The following PRMT2 variants were observed in gnomAD, a reference collection of about 807,000 sequenced individuals.
PRMT2 encodes protein arginine methyltransferase 2.
A neutral mutation model predicts 57.6 loss-of-function variants in PRMT2; 26 were observed. The ratio of observed to expected loss-of-function variants is 0.45; its 90% CI spans 0.33 to 0.63. The LOEUF (loss-of-function observed/expected upper bound fraction) is 0.63. PRMT2 is among the 20% of genes least tolerant of loss of function. The pLI is 0.02. For missense variants in PRMT2, 472 were observed against 564.4 expected (o/e 0.84, Z 1.66); for synonymous variants, 219 against 220.0 (o/e 1.00, Z 0.04).
rs1237917924 is a variant in PRMT2 at position 46,635,685 on chromosome 21, C to T, written c.-244C>T. On this transcript the variant is annotated 5_prime_UTR_variant, in exon 1 of 12. Transcript: ENST00000355680. The stretch of plus-strand genomic sequence containing the variant: ...CGCTTGCGCGGGTTGAGGGCGGTGG[C>T]TCAGGCTCCTGGAAAGGACCGTCCA... 3 of 152,498 alleles carry T rather than the reference C, an allele frequency of 2.0e-5. No homozygotes were observed. Among genetic ancestry groups the T allele is most frequent in the East Asian group, 1.9e-4 (1 of 5,194 alleles). The allele number at this position is 152,498 out of a possible 1,614,324, so 9.4% of individuals were successfully genotyped here.
chr21:46,662,441 C>T (rs1439161464), intron 10 of PRMT2, among the ~76,000 whole-genome samples: 1 of 152,176 alleles, frequency 6.6e-6, no homozygotes, highest in African/African-American at 2.4e-5. Flanking sequence ...GACTTCCCAG[C>T]GTGGTGGCCC....
chr21:46,659,435 A>G, intron 8 of PRMT2: 1 of 985,616 alleles, frequency 1.0e-6, no homozygotes, highest in Non-Finnish European at 1.2e-6. Flanking sequence ...AATTAGAGAA[A>G]TCACGTGCTG....
rs763307267 is a variant in PRMT2, at chr21:46,649,763, TG to T, written c.654+29del. On this transcript the variant is annotated intron_variant, in intron 7 of 11. Transcript: ENST00000355680. This position sits in a 1 kb window ranked among gnomAD's most constrained non-coding sequence, Gnocchi z 4.8. ...TGGTGAGGGCGGGCGTGCGGGCAGC[TG>T]GGGGCCGGAGCTGGGGGGCTTCTGA... 8.1e-6 allele frequency: 13 copies of T among 1,605,080 alleles called. No homozygotes were observed. Among genetic ancestry groups the T allele is most frequent in the Non-Finnish European group, 9.4e-6 (11 of 1,175,902 alleles).
rs756452289 is a variant in PRMT2 at position 46,660,767 on chromosome 21, G to A, written c.831-66G>A. The A allele has an allele frequency of 2.4e-5, 38 of 1,581,606 alleles. No individual in the cohort carries two copies. In the East Asian group the frequency reaches 7.9e-4, roughly 33 times the overall value. On this transcript the variant is annotated intron_variant, in intron 8 of 11. Coordinates refer to ENST00000355680, the MANE Select transcript of PRMT2 (RefSeq NM_206962.4). ...GGGAGAGCACTCACCGCGGTCCCAC[G>A]TGTGTGTTTTGAAGCCTAAGATGTT...
chr21:46,653,520 C>A, intron 7 of PRMT2: 8 of 954,456 alleles, frequency 8.4e-6, no homozygotes, highest in Non-Finnish European at 8.5e-6. Flanking sequence ...CACTGAAGGA[C>A]GATCTACACA....
chr21:46,653,340 C>G, intron 7 of PRMT2: 1 of 985,392 alleles, frequency 1.0e-6, no homozygotes. Flanking sequence ...TAATTTCATA[C>G]CAATAACACT....
intron 9 of PRMT2, chr21:46,661,577 G>GT: frequency 2.7e-6 from 1 of 375,694 alleles, no homozygotes; most frequent in East Asian, 4.0e-5. Context: ...AGAATCTGGG[G>GT]TAGAAAATTG....
chr21:46,648,372 G>C lies in PRMT2; in HGVS notation c.328-86G>C. ...GGGGTGTTGGGGTCAGGGGTCATCA[G>C]CTGTGGCTCTGACCCTCCATCTCAG... is the stretch of plus-strand genomic sequence containing the variant. On this transcript the variant is annotated intron_variant, in intron 5 of 11. Transcript: ENST00000355680. This position sits in a 1 kb window ranked among gnomAD's most constrained non-coding sequence, Gnocchi z 4.8. 2 of 1,450,790 alleles carry C rather than the reference G, an allele frequency of 1.4e-6. No homozygotes were observed. Among genetic ancestry groups the C allele is most frequent in the Non-Finnish European group, 9.5e-7 (1 of 1,052,304 alleles). The allele number at this position is 1,450,790 out of a possible 1,614,324, so 89.9% of individuals were successfully genotyped here.
At chr21:46,653,429 A>G (rs2061491319) in intron 7 of PRMT2, 1 of 993,334 alleles carries the variant, frequency 1.0e-6, no homozygotes, top group East Asian at 1.1e-4. Context: ...GCTCCCCCTC[A>G]GCAAGACTCT....
Position 46,648,754 on chromosome 21 carries a change from C to A in PRMT2, c.489+135C>A. On this transcript the variant is annotated intron_variant, in intron 6 of 11. Transcript: ENST00000355680. This position sits in a 1 kb window ranked among gnomAD's most constrained non-coding sequence, Gnocchi z 4.8. ...TGACTCCATGGTCTTGTTGAGCACC[C>A]TGCACGTGGGGCTCAGGGTCGGTAA... 8.7e-7 allele frequency: 1 copy of A among 1,144,664 alleles called. No homozygotes were observed. Among genetic ancestry groups the A allele is most frequent in the Non-Finnish European group, 1.2e-6 (1 of 806,672 alleles). The allele number at this position is 1,144,664 out of a possible 1,614,324, so 70.9% of individuals were successfully genotyped here. A position where few individuals can be genotyped will look rare whatever the true frequency, so the allele number is the denominator to read the frequency against.
chr21:46,654,991 C>G lies in PRMT2; in HGVS notation c.655-3754C>G, dbSNP rs146718203. ...TGAAATGGACCAATTCTTTTGAAAA[C>G]TGCAAATTACCACAGTTCATCTAAC... On this transcript the variant is annotated intron_variant, in intron 7 of 11. Coordinates refer to ENST00000355680, the MANE Select transcript of PRMT2 (RefSeq NM_206962.4). The G allele has an allele frequency of 1.0e-3, 853 of 828,830 alleles. 8 individuals are homozygous for G. In the African/African-American group the frequency reaches 0.014, roughly 13 times the overall value. The allele number at this position is 828,830 out of a possible 1,614,324, so 51.3% of individuals were successfully genotyped here.
intron 11 of PRMT2, 79 bp from the exon 12 acceptor site, chr21:46,664,216 T>C (rs1193871535): frequency 1.6e-6 from 2 of 1,282,038 alleles, no homozygotes; most frequent in African/African-American, 2.9e-5. Context: ...TCTTGTCCAA[T>C]ATTAAACCAT....
chr21:46,640,632 G>A (rs560769943), intron 3 of PRMT2, among the ~76,000 whole-genome samples: 69 of 151,546 alleles, frequency 4.6e-4, no homozygotes, highest in African/African-American at 1.3e-3. Flanking sequence ...TAGTAGAGAC[G>A]GGGTTTCACC....
intron 8 of PRMT2, chr21:46,660,121 T>G (rs1433095856): frequency 3.1e-6 from 3 of 971,902 alleles, no homozygotes; most frequent in African/African-American, 1.8e-5. Flanking sequence ...GAATCTTTAT[T>G]AAAACATTCA....
chr21:46,639,364 G>T (rs2061229051), intron 3 of PRMT2, among the ~76,000 whole-genome samples: 1 of 152,054 alleles, frequency 6.6e-6, no homozygotes, highest in South Asian at 2.1e-4. Context: ...AAGATCAAAT[G>T]TGTTATTAGT....
intron 7 of PRMT2, chr21:46,653,988 A>T: frequency 1.0e-6 from 1 of 1,002,758 alleles, no homozygotes; most frequent in South Asian, 4.1e-5. Context: ...GTCATAAAAA[A>T]TGCAGCATAG....
intron 7 of PRMT2, among the ~76,000 whole-genome samples, chr21:46,656,544 G>A (rs934807820): frequency 1.3e-5 from 2 of 151,842 alleles, no homozygotes; most frequent in African/African-American, 4.8e-5. Context: ...TGGTCAATGG[G>A]TTTTTTTTAA....
intron 5 of PRMT2, among the ~76,000 whole-genome samples, chr21:46,645,556 AC>A (rs1490842611): frequency 6.6e-6 from 1 of 152,210 alleles, no homozygotes; most frequent in Non-Finnish European, 1.5e-5. Flanking sequence ...GGTCCAGGCA[AC>A]AATCTCTGGT....
intron 1 of PRMT2, 174 bp from the exon 2 acceptor site, chr21:46,636,265 C>T (rs1425194945): frequency 1.3e-5 from 2 of 152,452 alleles, no homozygotes; most frequent in Non-Finnish European, 1.5e-5. Context: ...GGCCTCCACT[C>T]CGACCCCGTC....
Sources: allele counts gnomAD v4.1 joint callset (sites outside exome capture counted in the v4.1 genomes callset), GRCh38; gene constraint gnomAD v4.1.1; non-coding constraint Gnocchi (gnomAD v3.1); transcripts MANE v1.5; gene names NCBI Gene and HGNC (gene_info 2026-07-23, HGNC 2026-07-21).